The following MEF2C variants were observed in gnomAD, a reference collection of about 807,000 sequenced individuals.
The protein encoded by MEF2C is myocyte-specific enhancer factor 2C.
MEF2C carries 6 observed loss-of-function variants against 50.5 expected under a neutral mutation model. That is an observed-to-expected ratio of 0.12 (90% CI 0.07 to 0.23). The LOEUF is 0.23. MEF2C is among the 10% of genes least tolerant of loss of function. The probability of loss-of-function intolerance (pLI) is 1.00; values close to 1 mark genes in which losing one functional copy is unlikely to be tolerated. For missense variants in MEF2C, 276 were observed against 605.0 expected, an observed-to-expected ratio of 0.46 and a Z score of 5.70; for synonymous variants, 183 against 228.0, an observed-to-expected ratio of 0.80 and a Z score of 1.78.
At chr5:88,812,757 G>A (rs700588) in intron 2 of MEF2C, among the ~76,000 whole-genome samples, 65,175 of 151,890 alleles carry the variant, frequency 0.43, 16,115 homozygotes, top group African/African-American at 0.68. Context: ...AAGGTCCCCA[G>A]ACTTGTTCCT....
At chr5:88,724,948 T>A (rs1758034788) in intron 10 of MEF2C, among the ~76,000 whole-genome samples, 1 of 152,144 alleles carries the variant, frequency 6.6e-6, no homozygotes, top group Admixed American at 6.5e-5. Flanking sequence ...CAATAAATAC[T>A]TTTGCTTGCT....
intron 3 of MEF2C, among the ~76,000 whole-genome samples, chr5:88,784,634 T>C (rs1789937621): frequency 6.6e-6 from 1 of 152,214 alleles, no homozygotes; most frequent in Non-Finnish European, 1.5e-5. Flanking sequence ...TTACAGACTT[T>C]GCTGAAGAGT....
intron 2 of MEF2C, among the ~76,000 whole-genome samples, chr5:88,807,617 A>G (rs1801055001): frequency 6.6e-6 from 1 of 152,164 alleles, no homozygotes; most frequent in African/African-American, 2.4e-5. Context: ...TGTTGTGAGG[A>G]TTGTATCCAA....
intron 1 of MEF2C, among the ~76,000 whole-genome samples, chr5:88,843,787 T>C (rs1272677030): frequency 6.6e-6 from 1 of 151,596 alleles, no homozygotes; most frequent in Admixed American, 6.6e-5. Flanking sequence ...TTGTGTTTGA[T>C]TGTTTGTTCC....
intron 1 of MEF2C, among the ~76,000 whole-genome samples, chr5:88,846,216 C>T (rs1052682879): frequency 1.3e-5 from 2 of 151,902 alleles, no homozygotes; most frequent in East Asian, 1.9e-4. Context: ...TACGGGTGCC[C>T]GCCACCACGC....
At chr5:88,806,561 T>A (rs573906875) in intron 2 of MEF2C, among the ~76,000 whole-genome samples, 1 of 152,224 alleles carries the variant, frequency 6.6e-6, no homozygotes, top group East Asian at 1.9e-4. Flanking sequence ...CTAAATAGAT[T>A]TATGTTGACA....
chr5:88,838,669 C>T, intron 1 of MEF2C: 1 of 985,264 alleles, frequency 1.0e-6, no homozygotes, highest in African/African-American at 1.7e-5. Context: ...CTAAAACACA[C>T]CTAACCAGCT....
At chr5:88,747,333 CTTTTTTTTTTTTTTTTTTT>C (rs950842424) in intron 6 of MEF2C, among the ~76,000 whole-genome samples, 3 of 21,748 alleles carry the variant, frequency 1.4e-4, no homozygotes, top group Non-Finnish European at 2.2e-4. Flanking sequence ...TTTTTTACTA[CTTTTTTTTTTTTTTTTTTT>C]TTTTTTTTTT....
chr5:88,895,008 C>T (rs304139), intron 1 of MEF2C, among the ~76,000 whole-genome samples: 2,834 of 152,056 alleles, frequency 0.019, 85 homozygotes, highest in African/African-American at 0.064. Flanking sequence ...ATGATTTTGC[C>T]GAGAGAAGCA....
intron 1 of MEF2C, among the ~76,000 whole-genome samples, chr5:88,856,992 G>T (rs530273944): frequency 2.8e-4 from 42 of 152,326 alleles, no homozygotes; most frequent in African/African-American, 9.1e-4. Context: ...CTGACAGCTT[G>T]CACCATGCAC....
chr5:88,740,516 G>A lies in MEF2C; in HGVS notation c.637+8554C>T, dbSNP rs58181552. On this transcript the variant is annotated intron_variant, in intron 6 of 10. Transcript: ENST00000504921. Reference sequence around the variant, plus strand: ...GGAAACTGAGGCTTAAGAAGCTTCCGTTACTTGACTGAGATCACCCTGTCA... The same window carrying A: ...GGAAACTGAGGCTTAAGAAGCTTCCATTACTTGACTGAGATCACCCTGTCA... The A allele has an allele frequency of 7.7e-4, 760 of 982,634 alleles. 5 individuals are homozygous for A. In the African/African-American group the frequency reaches 0.012, roughly 16 times the overall value. The allele number at this position is 982,634 out of a possible 1,614,324, so 60.9% of individuals were successfully genotyped here.
chr5:88,867,211 C>A (rs1827690399), intron 1 of MEF2C, among the ~76,000 whole-genome samples: 1 of 152,176 alleles, frequency 6.6e-6, no homozygotes, highest in Admixed American at 6.5e-5. Context: ...CATGTTTACA[C>A]AAACTTAGTT....
intron 1 of MEF2C, among the ~76,000 whole-genome samples, chr5:88,893,937 T>G (rs1283903881): frequency 6.6e-6 from 1 of 152,222 alleles, no homozygotes; most frequent in Non-Finnish European, 1.5e-5. Context: ...TATTACTTAT[T>G]TATTCATTTA....
intron 3 of MEF2C, among the ~76,000 whole-genome samples, chr5:88,794,517 G>A (rs1489305485): frequency 6.6e-6 from 1 of 152,028 alleles, no homozygotes; most frequent in Non-Finnish European, 1.5e-5. Flanking sequence ...ATCTGTTTAA[G>A]CTCCTTATAG....
intron 5 of MEF2C, among the ~76,000 whole-genome samples, chr5:88,749,922 C>A (rs1389666579): frequency 6.6e-6 from 1 of 151,402 alleles, no homozygotes; most frequent in Non-Finnish European, 1.5e-5. Flanking sequence ...CCCAGCTACT[C>A]GGGAGGCTGA....
chr5:88,880,153 C>A (rs563775592), intron 1 of MEF2C, among the ~76,000 whole-genome samples: 73 of 151,982 alleles, frequency 4.8e-4, no homozygotes, highest in Admixed American at 5.9e-4. Flanking sequence ...TAAATCATTT[C>A]ATCGTGTCTA....
At chr5:88,765,927 GGTA>G (rs1779848589) in intron 3 of MEF2C, among the ~76,000 whole-genome samples, 1 of 152,184 alleles carries the variant, frequency 6.6e-6, no homozygotes, top group Non-Finnish European at 1.5e-5. Flanking sequence ...ACACTGTTGA[GGTA>G]GATCCATCAA....
intron 1 of MEF2C, among the ~76,000 whole-genome samples, chr5:88,828,701 A>C (rs1811892613): frequency 6.6e-6 from 1 of 152,012 alleles, no homozygotes; most frequent in Non-Finnish European, 1.5e-5. Flanking sequence ...TTAGGTTTCT[A>C]TTTTGTGATT....
intron 1 of MEF2C, among the ~76,000 whole-genome samples, chr5:88,865,893 T>C (rs57998498): frequency 0.011 from 1,605 of 151,414 alleles, 35 homozygotes; most frequent in African/African-American, 0.037. Flanking sequence ...ACATTTCTTT[T>C]CTTTTTTTTT....
Sources: gnomAD v4.1 joint callset for allele counts (sites outside exome capture counted in the v4.1 genomes callset) on GRCh38, gnomAD v4.1.1 for gene constraint, MANE v1.5 for transcripts, NCBI Gene and HGNC (gene_info 2026-07-23, HGNC 2026-07-21) for gene names.